Variants in WDFY4 observed in about 807,000 individuals in gnomAD.
The protein encoded by WDFY4 is WD repeat- and FYVE domain-containing protein 4.
WDFY4 carries 169 observed loss-of-function variants against 351.9 expected under a neutral mutation model. That is an observed-to-expected ratio of 0.48 (90% CI 0.42 to 0.55). The LOEUF is 0.55. Ranked by LOEUF, WDFY4 falls within the 20% of genes least tolerant of loss-of-function variation. The pLI, the probability that WDFY4 is intolerant of heterozygous loss-of-function variation, is 0.00. For synonymous variants in WDFY4, 1,622 were observed against 1,574.6 expected (o/e 1.03, Z -0.71); for missense variants, 3,803 against 3,935.6 (o/e 0.97, Z 0.90).
chr10:48,972,379 T>C (rs547427131), intron 57 of WDFY4, among the ~76,000 whole-genome samples: 2 of 152,376 alleles, frequency 1.3e-5, no homozygotes, highest in South Asian at 2.1e-4. Flanking sequence ...ATAAAAGTTT[T>C]CAATTTTGCA....
chr10:48,703,975 A>G (rs537788970), intron 1 of WDFY4, among the ~76,000 whole-genome samples: 1 of 152,270 alleles, frequency 6.6e-6, no homozygotes, highest in Non-Finnish European at 1.5e-5. Flanking sequence ...TGCTGAGGTC[A>G]CAGGGAATCC....
rs1842506323 is a variant in WDFY4, at chr10:48,975,051, C to T, written c.9108+10C>T. 6.4e-7 allele frequency: 1 copy of T among 1,551,748 alleles called. No homozygotes were observed. Among genetic ancestry groups the T allele is most frequent in the Non-Finnish European group, 8.7e-7 (1 of 1,147,012 alleles). The stretch of plus-strand genomic sequence containing the variant: ...CATCAGTGACGTCTCAGTAAGTCTC[C>T]TGTTTCTCAGTGTCCGTGTCCTCAC... On this transcript the variant is annotated intron_variant, in intron 58 of 61. Coordinates refer to ENST00000325239, the MANE Select transcript of WDFY4 (RefSeq NM_001394531.1).
intron 46 of WDFY4, among the ~76,000 whole-genome samples, chr10:48,900,669 T>C (rs1334174944): frequency 6.6e-6 from 1 of 152,264 alleles, no homozygotes; most frequent in Non-Finnish European, 1.5e-5. Flanking sequence ...AGTAATTTTT[T>C]TGGCTTAATC....
chr10:48,908,274 G>A (rs1307008589), intron 47 of WDFY4, among the ~76,000 whole-genome samples: 2 of 152,220 alleles, frequency 1.3e-5, no homozygotes, highest in African/African-American at 4.8e-5. Context: ...GAACAGGTGT[G>A]CAAATGCCCA....
intron 55 of WDFY4, chr10:48,967,713 T>C (rs1178399481): frequency 6.6e-6 from 1 of 152,314 alleles, no homozygotes; most frequent in African/African-American, 2.4e-5. Context: ...GCTGGGTTCC[T>C]AGGGCCATGT....
chr10:48,978,516 G>T, intron 60 of WDFY4, 123 bp downstream of exon 60: 1 of 904,716 alleles, frequency 1.1e-6, no homozygotes, highest in East Asian at 2.8e-5. Flanking sequence ...GGAGGCCTAG[G>T]AAGGCACAGA....
intron 39 of WDFY4, among the ~76,000 whole-genome samples, chr10:48,837,345 G>A (rs2068437511): frequency 6.6e-6 from 1 of 152,098 alleles, no homozygotes. Flanking sequence ...GTAAAAGCCA[G>A]GTCAGGGGGT....
At chr10:48,956,676 C>T (rs188227440) in intron 51 of WDFY4, among the ~76,000 whole-genome samples, 2 of 152,280 alleles carry the variant, frequency 1.3e-5, no homozygotes, top group African/African-American at 4.8e-5. Flanking sequence ...AAGGTTCACC[C>T]ACTTCTTTGT....
intron 47 of WDFY4, among the ~76,000 whole-genome samples, chr10:48,931,669 G>C (rs1589932173): frequency 6.6e-6 from 1 of 152,194 alleles, no homozygotes. Context: ...TGCTTGCATG[G>C]AAGGCCCTTG....
intron 4 of WDFY4, among the ~76,000 whole-genome samples, chr10:48,723,066 CCA>C (rs1283145904): frequency 6.6e-6 from 1 of 152,072 alleles, no homozygotes; most frequent in Non-Finnish European, 1.5e-5. Flanking sequence ...AGGCCCTGGA[CCA>C]CAGTCACACA....
intron 31 of WDFY4, among the ~76,000 whole-genome samples, chr10:48,815,884 C>A (rs945905599): frequency 1.3e-5 from 2 of 151,936 alleles, no homozygotes; most frequent in Admixed American, 1.3e-4. Flanking sequence ...TATTAGTCTG[C>A]AATTTAGTTT....
intron 32 of WDFY4, among the ~76,000 whole-genome samples, chr10:48,819,803 T>C (rs551232138): frequency 6.6e-6 from 1 of 152,146 alleles, no homozygotes; most frequent in Non-Finnish European, 1.5e-5. Context: ...CATCACAAGA[T>C]GGGCACCGAC....
chr10:48,735,953 G>T lies in WDFY4; in HGVS notation c.1761G>T (p.Ser587=). The stretch of plus-strand genomic sequence containing the variant: ...ATGACGAGTGCTACCGGGAGGCCTC[G>T]CTCAGCATCTTGGAGCAGCTCTCAG... ...FLDDECYREA[S]LSILEQLSAI... Residue 587 remains serine, a synonymous_variant, in exon 11 of 62, where the codon TCG becomes TCT. Coordinates refer to ENST00000325239, the MANE Select transcript of WDFY4 (RefSeq NM_001394531.1). The T allele has an allele frequency of 6.4e-7, 1 of 1,551,750 alleles. No individual in the cohort carries two copies. Among genetic ancestry groups the T allele is most frequent in the South Asian group, 1.2e-5 (1 of 84,060 alleles).
intron 39 of WDFY4, among the ~76,000 whole-genome samples, chr10:48,848,894 A>T (rs999420859): frequency 6.6e-6 from 1 of 152,230 alleles, no homozygotes; most frequent in Non-Finnish European, 1.5e-5. Flanking sequence ...GACTGTGGTC[A>T]CCAAATCCCT....
At chr10:48,868,227 C>T (rs909516057) in intron 40 of WDFY4, among the ~76,000 whole-genome samples, 11 of 152,204 alleles carry the variant, frequency 7.2e-5, no homozygotes, top group African/African-American at 2.4e-4. Context: ...CATGGATGTG[C>T]AGCCTGAACC....
intron 12 of WDFY4, among the ~76,000 whole-genome samples, chr10:48,751,923 C>T (rs2065196576): frequency 1.3e-5 from 2 of 152,138 alleles, no homozygotes; most frequent in Admixed American, 1.3e-4. Flanking sequence ...TGCAAAGGCC[C>T]CTAGGCTTCT....
At chr10:48,924,226 G>A (rs186058141) in intron 47 of WDFY4, among the ~76,000 whole-genome samples, 25 of 152,274 alleles carry the variant, frequency 1.6e-4, no homozygotes, top group African/African-American at 6.0e-4. Context: ...GGGGTCACCC[G>A]ACCTTGGCAG....
intron 11 of WDFY4, among the ~76,000 whole-genome samples, chr10:48,738,699 T>C (rs1486183908): frequency 1.3e-5 from 2 of 152,188 alleles, no homozygotes; most frequent in Non-Finnish European, 2.9e-5. Flanking sequence ...CCCTGAAACT[T>C]TGGAACGAAG....
At chr10:48,827,902 T>A (rs1565245408) in intron 36 of WDFY4, among the ~76,000 whole-genome samples, 4 of 151,448 alleles carry the variant, frequency 2.6e-5, no homozygotes, top group African/African-American at 9.8e-5. Flanking sequence ...TTTTTTTTTT[T>A]TCTTCCTGTT....
Sources: gnomAD v4.1 joint callset for allele counts (sites outside exome capture counted in the v4.1 genomes callset) on GRCh38, gnomAD v4.1.1 for gene constraint, MANE v1.5 for transcripts, NCBI Gene and HGNC (gene_info 2026-07-23, HGNC 2026-07-21) for gene names.